CUL4A: variants seen among roughly 807,000 people sequenced by gnomAD.
The protein encoded by CUL4A is cullin-4A.
Under a neutral mutation model 95.5 loss-of-function variants are expected in CUL4A, and 16 were observed. The observed-to-expected ratio is 0.17, with a 90% confidence interval of 0.11 to 0.25. The LOEUF is 0.25. Among genes scored for constraint, CUL4A ranks in the 10% least tolerant of loss-of-function variants. The pLI is 1.00. For synonymous variants in CUL4A, 380 were observed against 353.1 expected, an observed-to-expected ratio of 1.08 and a Z score of -0.85; for missense variants, 610 against 937.0, an observed-to-expected ratio of 0.65 and a Z score of 4.56.
chr13:113,231,974 A>C (rs532284369), intron 5 of CUL4A, among the ~76,000 whole-genome samples: 21 of 148,058 alleles, frequency 1.4e-4, no homozygotes, highest in African/African-American at 4.9e-4. Context: ...ATTATTAATA[A>C]TACTACCACC....
In CUL4A at chr13:113,246,050, A is replaced by G. The variant is rs1337966316; in HGVS notation, c.1625A>G (p.His542Arg). 2.5e-6 allele frequency: 4 copies of G among 1,613,234 alleles called. No individual in the cohort carries two copies. The highest frequency in any genetic ancestry group is 2.2e-5 in the East Asian group (1 of 44,892). Reference sequence around the variant, plus strand: ...CCAACATACACGCCCATGGAAGTGCACTTAACCCCAGAAGTAAGTGTGCAG... The same window carrying G: ...CCAACATACACGCCCATGGAAGTGCGCTTAACCCCAGAAGTAAGTGTGCAG... ...YWPTYTPMEV[H>R]LTPEMIKLQE... The change falls in exon 15 of 20, where the codon CAC becomes CGC. Residue 542 changes from histidine (H) to arginine (R), a missense_variant. His to Arg is a conservative substitution (Grantham distance 29). Coordinates refer to ENST00000375440, the MANE Select transcript of CUL4A (RefSeq NM_001008895.4).
chr13:113,244,595 A>C lies in CUL4A; in HGVS notation c.1333+81A>C, dbSNP rs985213597. ...GCTTTCCCAGAGGAGGTTTAGCATG[A>C]GAATGTCAGTATCAGTAGAGCCAGT... On this transcript the variant is annotated intron_variant, in intron 12 of 19. Transcript: ENST00000375440. 8.2e-6 allele frequency: 8 copies of C among 975,862 alleles called. No homozygotes were observed. In the African/African-American group the frequency reaches 1.3e-4, roughly 16 times the overall value. 60.5% of individuals were successfully genotyped at this position (975,862 alleles called of 1,614,324 possible).
At chr13:113,247,210 C>T (rs1199909729) in intron 15 of CUL4A, among the ~76,000 whole-genome samples, 1 of 152,128 alleles carries the variant, frequency 6.6e-6, no homozygotes, top group Admixed American at 6.5e-5. Context: ...ACCCAAACAC[C>T]TCCCACCAGG....
At chr13:113,248,482 A>G (rs2041912608) in intron 15 of CUL4A, among the ~76,000 whole-genome samples, 1 of 151,954 alleles carries the variant, frequency 6.6e-6, no homozygotes, top group Admixed American at 6.6e-5. Flanking sequence ...TTTTTTTAGT[A>G]CTTTTTTGTT....
intron 19 of CUL4A, among the ~76,000 whole-genome samples, chr13:113,261,729 G>A (rs548566053): frequency 1.0e-3 from 158 of 152,142 alleles, no homozygotes; most frequent in African/African-American, 3.7e-3. Flanking sequence ...CGCCCACTCT[G>A]CTCTCAGGGG....
intron 5 of CUL4A, among the ~76,000 whole-genome samples, chr13:113,232,608 C>A (rs949721155): frequency 2.0e-4 from 30 of 152,244 alleles, no homozygotes; most frequent in Admixed American, 1.0e-3. Flanking sequence ...GCTGAACCAT[C>A]TTCCTAACAT....
intron 11 of CUL4A, 64 bp downstream of exon 11, chr13:113,243,224 A>G: frequency 6.8e-7 from 1 of 1,461,616 alleles, no homozygotes; most frequent in Non-Finnish European, 9.3e-7. Flanking sequence ...TTTCTAGACA[A>G]TTTTTTAATA....
chr13:113,255,203 GT>G, intron 18 of CUL4A, 78 bp downstream of exon 18: 2 of 1,066,280 alleles, frequency 1.9e-6, no homozygotes, highest in Non-Finnish European at 2.7e-6. Context: ...GTTTTTGGCT[GT>G]TAGAGGCCTG....
chr13:113,241,511 C>CT (rs10645246), intron 10 of CUL4A, among the ~76,000 whole-genome samples: 2,430 of 120,046 alleles, frequency 0.02, 66 homozygotes, highest in Middle Eastern at 0.025. Flanking sequence ...CTGTTGGCAT[C>CT]TTTTTTTTTT....
intron 11 of CUL4A, chr13:113,244,140 T>C (rs961337989): frequency 1.9e-5 from 6 of 322,724 alleles, no homozygotes; most frequent in African/African-American, 1.1e-4. Context: ...CTGAAGTCAT[T>C]TTATTTTGAA....
intron 2 of CUL4A, among the ~76,000 whole-genome samples, chr13:113,216,422 AG>A (rs1001914441): frequency 1.3e-5 from 2 of 152,254 alleles, no homozygotes; most frequent in African/African-American, 4.8e-5. Context: ...CCTGCTAGTT[AG>A]GAAGTAGCTG....
upstream of CUL4A, chr13:113,209,028 C>T (rs1429313059): frequency 4.1e-6 from 2 of 491,112 alleles, no homozygotes; most frequent in Non-Finnish European, 5.2e-6. Flanking sequence ...CCTCGGGGCG[C>T]GCGCGCCCGA....
At chr13:113,248,489 TG>T (rs1364582081) in intron 15 of CUL4A, among the ~76,000 whole-genome samples, 2 of 152,230 alleles carry the variant, frequency 1.3e-5, no homozygotes, top group Non-Finnish European at 2.9e-5. Flanking sequence ...AGTACTTTTT[TG>T]TTTTCTAGCA....
chr13:113,208,738 G>A (rs989826433), upstream of CUL4A: 10 of 1,485,134 alleles, frequency 6.7e-6, no homozygotes, highest in Admixed American at 4.5e-5. Context: ...CCCCGGCCCC[G>A]CCGCGGGTGC....
At chr13:113,222,367 A>G (rs371604676) in intron 3 of CUL4A, among the ~76,000 whole-genome samples, 1 of 150,526 alleles carries the variant, frequency 6.6e-6, no homozygotes, top group African/African-American at 2.4e-5. Flanking sequence ...GTGGAATGGC[A>G]GCATCCTGCC....
In CUL4A at chr13:113,218,664, G is replaced by T. The variant is rs116151161; in HGVS notation, c.265-281G>T. ...GGCACCATAGATGCTCAGGAGTGGT[G>T]CAGGCCAGCTGCCTGGGACCCGAGG... On this transcript the variant is annotated intron_variant, in intron 2 of 19. Transcript: ENST00000375440. Among the ~76,000 whole-genome samples, 1,105 of 152,302 alleles carry T rather than the reference G, an allele frequency of 7.3e-3. 18 individuals carry two copies. The highest frequency in any genetic ancestry group is 0.025 in the African/African-American group (1,033 of 41,542).
intron 9 of CUL4A, among the ~76,000 whole-genome samples, chr13:113,237,176 G>T (rs1326435723): frequency 6.6e-6 from 1 of 152,192 alleles, no homozygotes; most frequent in African/African-American, 2.4e-5. Flanking sequence ...CATGGGTGCA[G>T]TGAGCCTGTT....
intron 3 of CUL4A, among the ~76,000 whole-genome samples, chr13:113,221,328 T>C (rs1319759342): frequency 6.6e-6 from 1 of 152,190 alleles, no homozygotes; most frequent in African/African-American, 2.4e-5. Flanking sequence ...TTCATGGAGG[T>C]CACTCTGGCA....
chr13:113,209,021 C>T (rs1595318351), upstream of CUL4A: 1 of 418,862 alleles, frequency 2.4e-6, no homozygotes, highest in Middle Eastern at 1.2e-3. Flanking sequence ...GCCAGGGCCT[C>T]GGGGCGCGCG....
Sources: gnomAD v4.1 joint callset for allele counts (sites outside exome capture counted in the v4.1 genomes callset) on GRCh38, gnomAD v4.1.1 for gene constraint, MANE v1.5 for transcripts, NCBI Gene and HGNC (gene_info 2026-07-23, HGNC 2026-07-21) for gene names.